ARNT: variants seen among roughly 807,000 people sequenced by gnomAD.
ARNT encodes the protein class E basic helix-loop-helix protein 2.
ARNT carries 30 observed loss-of-function variants against 105.0 expected under a neutral mutation model. The observed-to-expected ratio is 0.29, with a 90% CI of 0.21 to 0.39. The LOEUF is 0.39. ARNT is among the 10% of genes least tolerant of loss of function. The pLI is 1.00. For synonymous variants in ARNT, 304 were observed against 344.0 expected (o/e 0.88, Z 1.29); for missense variants, 748 against 978.7 (o/e 0.76, Z 3.15).
At chr1:150,839,787 A>T (rs1280974484) in intron 5 of ARNT, 133 bp from the exon 6 acceptor site, 3 of 951,434 alleles carry the variant, frequency 3.2e-6, no homozygotes, top group Non-Finnish European at 4.7e-6. Context: ...AAGTCTCAGC[A>T]GTTAAAATAA....
intron 1 of ARNT, among the ~76,000 whole-genome samples, chr1:150,875,756 A>G (rs1211033850): frequency 6.6e-6 from 1 of 152,206 alleles, no homozygotes; most frequent in African/African-American, 2.4e-5. Context: ...AACCTTTTTG[A>G]TATTTGATTA....
rs77829846 is a variant in ARNT at position 150,824,206 on chromosome 1, G to T, written c.1243-861C>A. On this transcript the variant is annotated intron_variant, in intron 13 of 21. Transcript: ENST00000358595. ...TGCATTTTTTGCCATTTAAAAAAAT[G>T]GCAAAAAATCACAATTTCTTTTGCA... Among the ~76,000 whole-genome samples the T allele has an allele frequency of 7.8e-3, 1,171 of 150,902 alleles. 6 individuals carry two copies. Among genetic ancestry groups the T allele is most frequent in the Non-Finnish European group, 0.011 (717 of 67,616 alleles).
intron 19 of ARNT, 48 bp downstream of exon 19, chr1:150,816,211 A>G (rs587615892): frequency 1.3e-6 from 2 of 1,558,206 alleles, no homozygotes; most frequent in South Asian, 1.2e-5. Context: ...AAAAAGCCCA[A>G]ACAAACAAAA....
At chr1:150,818,161 C>A in intron 14 of ARNT, 131 bp from the exon 15 acceptor site, 1 of 653,192 alleles carries the variant, frequency 1.5e-6, no homozygotes, top group Non-Finnish European at 2.6e-6. Flanking sequence ...ATCAATAAAT[C>A]CTTCATTAAA....
chr1:150,870,195 C>T (rs1667216673), intron 1 of ARNT, among the ~76,000 whole-genome samples: 1 of 152,014 alleles, frequency 6.6e-6, no homozygotes, highest in African/African-American at 2.4e-5. Flanking sequence ...ATCTGTAAAA[C>T]AAGAATAATA....
In ARNT at chr1:150,811,973, C is replaced by A; in HGVS notation, c.*48G>T. 1 of 1,370,330 alleles carries A rather than the reference C, an allele frequency of 7.3e-7. No homozygotes were observed. Among genetic ancestry groups the A allele is most frequent in the Non-Finnish European group, 9.7e-7 (1 of 1,032,172 alleles). 84.9% of individuals were successfully genotyped at this position (1,370,330 alleles called of 1,614,324 possible). On this transcript the variant is annotated 3_prime_UTR_variant, in exon 22 of 22. Transcript: ENST00000358595. Reference sequence around the variant, plus strand: ...TACAGAAAGATTTGCTTTTTAAAAACAAACAGTGATTTTTTCTCCCCCACC... The same window carrying A: ...TACAGAAAGATTTGCTTTTTAAAAAAAAACAGTGATTTTTTCTCCCCCACC...
At chr1:150,856,756 T>C (rs1664688782) in intron 2 of ARNT, among the ~76,000 whole-genome samples, 1 of 151,990 alleles carries the variant, frequency 6.6e-6, no homozygotes, top group Non-Finnish European at 1.5e-5. Context: ...AGCAAGACTC[T>C]GCCTCGAAAA....
chr1:150,840,652 A>G (rs1661110918), intron 5 of ARNT, among the ~76,000 whole-genome samples: 1 of 152,236 alleles, frequency 6.6e-6, no homozygotes, highest in Non-Finnish European at 1.5e-5. Flanking sequence ...ATGGGTCCCC[A>G]GTCTGGGACG....
chr1:150,865,449 C>G (rs975453772), intron 1 of ARNT, among the ~76,000 whole-genome samples: 3 of 152,076 alleles, frequency 2.0e-5, no homozygotes, highest in Non-Finnish European at 4.4e-5. Context: ...ATGGAATTCC[C>G]CAAAGTCTCA....
intron 14 of ARNT, 152 bp downstream of exon 14, chr1:150,823,042 G>C (rs1657433829): frequency 3.2e-6 from 2 of 630,868 alleles, no homozygotes; most frequent in African/African-American, 3.8e-5. Flanking sequence ...TCAGCCTCCA[G>C]AGTAGCTGGG....
At position 150,822,541 on chromosome 1, in the gene ARNT, C is replaced by T. The variant is rs10305728; in HGVS notation, c.1394+653G>A. On this transcript the variant is annotated intron_variant, in intron 14 of 21. Coordinates refer to ENST00000358595, the MANE Select transcript of ARNT (RefSeq NM_001668.4). The stretch of plus-strand genomic sequence containing the variant: ...TGATAGGTAAACACATGGAGATCCC[C>T]GGAGGGTAGCCCACCCAGAAAGGGT... 7.7e-3 allele frequency among the ~76,000 whole-genome samples: 1,170 copies of T among 152,296 alleles called. 6 individuals are homozygous for T. Among genetic ancestry groups the T allele is most frequent in the Non-Finnish European group, 0.011 (716 of 68,028 alleles).
At position 150,814,157 on chromosome 1, in the gene ARNT, G is replaced by A; in HGVS notation, c.2033C>T (p.Ser678Phe). 1 of 1,614,190 alleles carries A rather than the reference G, an allele frequency of 6.2e-7. No individual in the cohort carries two copies. The highest frequency in any genetic ancestry group is 8.5e-7 in the Non-Finnish European group (1 of 1,180,034). ...AGTTGGGGCACCAGGGAGGGACATG[G>A]AGCTGAAGGAGGATGGAGTCTGAAA... ...GSFQTPSSFS[S>F]MSLPGAPTAS... Residue 678 changes from serine (S) to phenylalanine (F), a missense_variant, in exon 20 of 22, where the codon TCC (serine) becomes TTC (phenylalanine). Ser to Phe is a radical substitution (Grantham distance 155). Transcript: ENST00000358595.
At chr1:150,876,015 G>A (rs1361870387) in intron 1 of ARNT, among the ~76,000 whole-genome samples, 1 of 152,210 alleles carries the variant, frequency 6.6e-6, no homozygotes, top group African/African-American at 2.4e-5. Context: ...GGAGGTAACA[G>A]CCTAAAGAAA....
intron 1 of ARNT, among the ~76,000 whole-genome samples, chr1:150,860,227 T>G (rs1478510186): frequency 6.8e-6 from 1 of 146,524 alleles, no homozygotes; most frequent in Non-Finnish European, 1.5e-5. Flanking sequence ...TCTTTTTTTT[T>G]TTTTTTGAGT....
rs1330404545 is a variant in ARNT, at chr1:150,853,236, G to A, written c.138-430C>T. ...GTGGAGGTTTCAGTGAGCCAAGATCGCACCATTGCACTCAAGCCTGGGCGA... is the reference window on the plus strand; with the variant it reads ...GTGGAGGTTTCAGTGAGCCAAGATCACACCATTGCACTCAAGCCTGGGCGA... On this transcript the variant is annotated intron_variant, in intron 2 of 21. Coordinates refer to ENST00000358595, the MANE Select transcript of ARNT (RefSeq NM_001668.4). 10 of 345,668 alleles carry A rather than the reference G, an allele frequency of 2.9e-5. No homozygotes were observed. In the East Asian group the frequency reaches 3.1e-4, roughly 11 times the overall value. The allele number at this position is 345,668 out of a possible 1,614,324, so 21.4% of individuals were successfully genotyped here.
chr1:150,849,751 A>G (rs1662963938), intron 3 of ARNT, among the ~76,000 whole-genome samples: 1 of 152,184 alleles, frequency 6.6e-6, no homozygotes, highest in Non-Finnish European at 1.5e-5. Context: ...TGACAGAGTA[A>G]GACCCTGTCT....
intron 8 of ARNT, among the ~76,000 whole-genome samples, chr1:150,833,934 T>C (rs587633933): frequency 1.3e-5 from 2 of 152,042 alleles, no homozygotes; most frequent in East Asian, 3.9e-4. Context: ...TCTTTTTCTT[T>C]TTCTTTTTTT....
In ARNT at chr1:150,810,287, A is replaced by C; in HGVS notation, c.*1734T>G. The C allele has an allele frequency of 4.3e-6, 1 of 232,168 alleles. No individual in the cohort carries two copies. The highest frequency in any genetic ancestry group is 6.1e-5 in the East Asian group (1 of 16,496). 14.4% of individuals were successfully genotyped at this position (232,168 alleles called of 1,614,324 possible). On this transcript the variant is annotated 3_prime_UTR_variant, in exon 22 of 22. Transcript: ENST00000358595. ...TCTTCTCGCTATCCTCCCCTTCCCC[A>C]AAAGCCCTATAATAACTGTACAATA... is the stretch of plus-strand genomic sequence containing the variant.
chr1:150,831,612 T>C (rs1042436971), intron 10 of ARNT: 10 of 526,704 alleles, frequency 1.9e-5, no homozygotes, highest in Admixed American at 3.8e-5. Context: ...TACTGAATCA[T>C]TTTCCAGCCT....
Sources: allele counts gnomAD v4.1 joint callset (sites outside exome capture counted in the v4.1 genomes callset), GRCh38; gene constraint gnomAD v4.1.1; transcripts MANE v1.5; gene names NCBI Gene and HGNC (gene_info 2026-07-23, HGNC 2026-07-21).